Variants in HERC2 observed in about 807,000 individuals in gnomAD.
HERC2 encodes E3 ubiquitin-protein ligase HERC2.
HERC2 carries 102 observed loss-of-function variants against 537.7 expected under a neutral mutation model. The observed-to-expected ratio is 0.19, with a 90% CI of 0.16 to 0.22. The LOEUF (loss-of-function observed/expected upper bound fraction) is 0.22, where lower values mean the gene tolerates loss of function less well. HERC2 is among the 10% of genes least tolerant of loss of function. HERC2 has a pLI of 1.00. For missense variants in HERC2, 4,236 were observed against 6,198.2 expected (o/e 0.68, Z 10.63); for synonymous variants, 2,224 against 2,466.2 (o/e 0.90, Z 2.91).
intron 16 of HERC2, among the ~76,000 whole-genome samples, chr15:28,257,964 G>A (rs900706640): frequency 6.6e-6 from 1 of 151,956 alleles, no homozygotes; most frequent in African/African-American, 2.4e-5. Context: ...AATTACAAGC[G>A]TGAGCCACCG....
At chr15:28,224,149 C>A (rs8043482) in intron 35 of HERC2, among the ~76,000 whole-genome samples, 8,020 of 132,822 alleles carry the variant, frequency 0.06, 561 homozygotes, top group East Asian at 0.28. Flanking sequence ...ACACACACAC[C>A]CACACACACA....
intron 65 of HERC2, among the ~76,000 whole-genome samples, chr15:28,173,427 T>C (rs1201411261): frequency 6.6e-6 from 1 of 152,208 alleles, no homozygotes. Context: ...TAAGTGAATC[T>C]CAAAATTATT....
chr15:28,272,857 G>T, intron 8 of HERC2, 37 bp downstream of exon 8: 1 of 1,381,324 alleles, frequency 7.2e-7, no homozygotes, highest in Non-Finnish European at 1.0e-6. Context: ...ATACACAGGC[G>T]CTTCCCCAAA....
At chr15:28,227,300 G>A (rs1901297848) in intron 35 of HERC2, among the ~76,000 whole-genome samples, 1 of 151,864 alleles carries the variant, frequency 6.6e-6, no homozygotes, top group Non-Finnish European at 1.5e-5. Context: ...AAACAATAAA[G>A]AGAAAGGGAC....
chr15:28,162,427 A>T (rs1893698737), intron 69 of HERC2, among the ~76,000 whole-genome samples: 1 of 152,204 alleles, frequency 6.6e-6, no homozygotes, highest in Non-Finnish European at 1.5e-5. Context: ...GGCATAAATG[A>T]AAAAAACTGA....
At chr15:28,283,276 CA>C (rs897337948) in intron 4 of HERC2, among the ~76,000 whole-genome samples, 1 of 151,962 alleles carries the variant, frequency 6.6e-6, no homozygotes, top group African/African-American at 2.4e-5. Context: ...AATCAAACTC[CA>C]AAAAACAAAA....
intron 85 of HERC2, among the ~76,000 whole-genome samples, chr15:28,121,679 C>T (rs1888905637): frequency 6.6e-6 from 1 of 152,150 alleles, no homozygotes. Flanking sequence ...ACTACCTCCA[C>T]CCAGCAGCGT....
At chr15:28,121,468 T>C (rs745777690) in intron 85 of HERC2, 39 bp from the exon 86 acceptor site, 17 of 1,478,784 alleles carry the variant, frequency 1.1e-5, no homozygotes, top group South Asian at 3.4e-5. Context: ...GAATCTGATA[T>C]GGAAAGCATC....
intron 69 of HERC2, among the ~76,000 whole-genome samples, chr15:28,162,874 G>C (rs566415804): frequency 2.6e-5 from 4 of 152,358 alleles, no homozygotes; most frequent in East Asian, 1.9e-4. Flanking sequence ...CTGGGCGACA[G>C]AGCGAGACTC....
intron 77 of HERC2, 28 bp downstream of exon 77, chr15:28,141,703 C>T: frequency 6.2e-7 from 1 of 1,611,472 alleles, no homozygotes; most frequent in Non-Finnish European, 8.5e-7. Context: ...TCACGATCGA[C>T]ATTACTGCTT....
chr15:28,279,901 T>C (rs1350727384), intron 5 of HERC2, 167 bp downstream of exon 5: 3 of 611,128 alleles, frequency 4.9e-6, no homozygotes, highest in Non-Finnish European at 5.8e-6. Flanking sequence ...ATGAGCAAAT[T>C]GGCAAATCCA....
rs927915733 is a variant in HERC2, at chr15:28,111,568, C to T, written c.*195G>A. The T allele has an allele frequency of 1.6e-6, 1 of 608,166 alleles. No homozygotes were observed. Among genetic ancestry groups the T allele is most frequent in the African/African-American group, 1.9e-5 (1 of 54,040 alleles). 37.7% of individuals were successfully genotyped at this position (608,166 alleles called of 1,614,324 possible). A position where few individuals can be genotyped will look rare whatever the true frequency, so the allele number is the denominator to read the frequency against. On this transcript the variant is annotated 3_prime_UTR_variant, in exon 93 of 93. Coordinates refer to ENST00000261609, the MANE Select transcript of HERC2 (RefSeq NM_004667.6). The stretch of plus-strand genomic sequence containing the variant: ...AAGACCCTTGGAAGTCGAGCGTCCA[C>T]AGTGTTCCACGCGCACAGGCGGACC...
rs1286885960 is a variant in HERC2, at chr15:28,113,054, C to T, written c.14232+17G>A. 6.2e-7 allele frequency: 1 copy of T among 1,608,008 alleles called. No individual in the cohort carries two copies. The highest frequency in any genetic ancestry group is 8.5e-7 in the Non-Finnish European group (1 of 1,176,668). ...CCGACATCAGCCCAGGGCCGGCAAG[C>T]CCAGCCAGGAGCCTACCTGGATGAC... is the stretch of plus-strand genomic sequence containing the variant. On this transcript the variant is annotated intron_variant, in intron 92 of 92. Coordinates refer to ENST00000261609, the MANE Select transcript of HERC2 (RefSeq NM_004667.6). The surrounding 1 kb of genome is among the most constrained non-coding windows in gnomAD (Gnocchi z 7.0).
At chr15:28,169,404 G>T in intron 66 of HERC2, 80 bp downstream of exon 66, 3 of 1,027,674 alleles carry the variant, frequency 2.9e-6, no homozygotes, top group South Asian at 1.6e-5. Flanking sequence ...GGAGACATCT[G>T]ATCAACGAAA....
chr15:28,237,208 C>T, intron 25 of HERC2, 95 bp from the exon 26 acceptor site: 6 of 1,213,656 alleles, frequency 4.9e-6, no homozygotes, highest in East Asian at 4.8e-5. Context: ...TGTAACCGCA[C>T]GTGAGCCCAG....
chr15:28,195,371 G>A (rs889252790), intron 52 of HERC2, among the ~76,000 whole-genome samples: 3 of 152,094 alleles, frequency 2.0e-5, no homozygotes, highest in African/African-American at 7.2e-5. Context: ...TGAGACAGGA[G>A]AATTGCTTGA....
rs1034925569 is a variant in HERC2, at chr15:28,265,582, C to T, written c.1870+36G>A. On this transcript the variant is annotated intron_variant, in intron 14 of 92. Transcript: ENST00000261609. The surrounding 1 kb of genome is among the most constrained non-coding windows in gnomAD (Gnocchi z 4.0). ...CCAGGGAAGCTGCCATGCGTGTCCTCGTGGGCCTGTCCAGGGTGGCGAGAG... is the reference window on the plus strand; with the variant it reads ...CCAGGGAAGCTGCCATGCGTGTCCTTGTGGGCCTGTCCAGGGTGGCGAGAG... 41 of 1,561,640 alleles carry T rather than the reference C, an allele frequency of 2.6e-5. No homozygotes were observed. The highest frequency in any genetic ancestry group is 3.4e-5 in the Non-Finnish European group (39 of 1,133,926).
At chr15:28,152,595 G>A in intron 70 of HERC2, 82 bp downstream of exon 70, 6 of 1,224,430 alleles carry the variant, frequency 4.9e-6, no homozygotes, top group Non-Finnish European at 5.5e-6. Context: ...GGAGATGGTT[G>A]TTTCTACTGA....
intron 20 of HERC2, among the ~76,000 whole-genome samples, chr15:28,253,525 A>C (rs930779851): frequency 2.0e-5 from 3 of 152,110 alleles, no homozygotes; most frequent in Non-Finnish European, 2.9e-5. Context: ...TTCTCCTCTC[A>C]CCTATATTGA....
Sources: gnomAD v4.1 joint callset for allele counts (sites outside exome capture counted in the v4.1 genomes callset) on GRCh38, gnomAD v4.1.1 for gene constraint, Gnocchi (gnomAD v3.1) non-coding constraint, MANE v1.5 for transcripts, NCBI Gene and HGNC (gene_info 2026-07-23, HGNC 2026-07-21) for gene names.